Variants in PDE8B observed in about 807,000 individuals in gnomAD.
The protein encoded by PDE8B is high affinity cAMP-specific and IBMX-insensitive 3',5'-cyclic phosphodiesterase 8B.
Under a neutral mutation model 101.3 loss-of-function variants are expected in PDE8B, and 26 were observed. That is an observed-to-expected ratio of 0.26 (90% CI 0.19 to 0.36). The LOEUF is 0.36. Ranked by LOEUF, PDE8B falls within the 10% of genes least tolerant of loss-of-function variation. The pLI is 1.00. For synonymous variants in PDE8B, 424 were observed against 429.3 expected (o/e 0.99, Z 0.15); for missense variants, 810 against 1,163.1 (o/e 0.70, Z 4.42).
Position 77,412,213 on chromosome 5 carries a change from T to C in PDE8B, c.1690T>C (p.Leu564=). 6.2e-7 allele frequency: 1 copy of C among 1,614,128 alleles called. No homozygotes were observed. Among genetic ancestry groups the C allele is most frequent in the African/African-American group, 1.3e-5 (1 of 75,052 alleles). The part of the protein sequence containing the change: ...EESWDFNIFE[L]EAITHKRPLV... The stretch of plus-strand genomic sequence containing the variant: ...GAGTTGGGACTTCAACATCTTTGAA[T>C]TGGAAGCCATTACGCATAAAAGGTA... Residue 564 remains leucine (L), a synonymous_variant, in exon 16 of 22, where the codon TTG becomes CTG. Transcript: ENST00000264917.
At chr5:77,125,185 A>G in the PDE8B span, among the ~76,000 whole-genome samples, 1 of 152,032 alleles carries the variant, frequency 6.6e-6, no homozygotes, top group Non-Finnish European at 1.5e-5. Context: ...TTTTTTTTGT[A>G]GGGATACATT....
chr5:77,425,090 A>G (rs1222030482), intron 20 of PDE8B, among the ~76,000 whole-genome samples: 9 of 152,196 alleles, frequency 5.9e-5, no homozygotes, highest in Non-Finnish European at 1.3e-4. Context: ...CTAAGGTGTT[A>G]GCAGTTTTAC....
At chr5:77,367,569 T>C (rs1784378894) in intron 10 of PDE8B, among the ~76,000 whole-genome samples, 1 of 140,938 alleles carries the variant, frequency 7.1e-6, no homozygotes, top group Admixed American at 7.6e-5. Context: ...TCTCGCTCTG[T>C]CACCAGGCTG....
intron 20 of PDE8B, among the ~76,000 whole-genome samples, chr5:77,423,942 A>ATT (rs372211983): frequency 5.7e-4 from 83 of 146,444 alleles, no homozygotes; most frequent in African/African-American, 1.7e-4. Flanking sequence ...CAGCCTGGAC[A>ATT]TTTTTTTTTT....
chr5:77,318,628 C>T (rs10474497), intron 2 of PDE8B, among the ~76,000 whole-genome samples: 50,143 of 151,850 alleles, frequency 0.33, 8,348 homozygotes, highest in Middle Eastern at 0.43. Flanking sequence ...CCTTAAAAAA[C>T]TCCCATTAAA....
rs542774044 is a variant in PDE8B, at chr5:77,264,951, T to C, written c.340-47043T>C. Among the ~76,000 whole-genome samples the C allele has an allele frequency of 5.9e-5, 9 of 152,320 alleles. No individual in the cohort carries two copies. The East Asian group carries it at 9.6e-4, about 16-fold the overall frequency. On this transcript the variant is annotated intron_variant, in intron 1 of 21. Transcript: ENST00000264917. ...TATTCCCAGGGACATTCTTTTTACA[T>C]TGAAGTGCATCTCTTTCCTAGGCCT...
intron 1 of PDE8B, among the ~76,000 whole-genome samples, chr5:77,225,859 C>CACACACACAT (rs1210082233): frequency 2.8e-5 from 4 of 144,408 alleles, no homozygotes; most frequent in African/African-American, 7.9e-5. Context: ...CACACACACA[C>CACACACACAT]ACACACACAC....
chr5:77,260,062 G>A (rs1760149517), intron 1 of PDE8B, among the ~76,000 whole-genome samples: 2 of 150,404 alleles, frequency 1.3e-5, no homozygotes, highest in African/African-American at 4.9e-5. Context: ...TACTTGGGAG[G>A]CTGAGGCAGG....
intron 10 of PDE8B, among the ~76,000 whole-genome samples, chr5:77,391,585 G>A (rs563320134): frequency 6.6e-6 from 1 of 152,266 alleles, no homozygotes; most frequent in East Asian, 1.9e-4. Flanking sequence ...GCTTCTCCCT[G>A]TACCTAGTGG....
intron 1 of PDE8B, among the ~76,000 whole-genome samples, chr5:77,261,594 A>G (rs921312417): frequency 2.6e-5 from 4 of 152,226 alleles, no homozygotes; most frequent in Non-Finnish European, 4.4e-5. Context: ...GAAGGTATCT[A>G]TCCATCTATT....
At chr5:77,377,662 G>A (rs1319746415) in intron 10 of PDE8B, among the ~76,000 whole-genome samples, 5 of 152,212 alleles carry the variant, frequency 3.3e-5, no homozygotes, top group Admixed American at 6.5e-5. Flanking sequence ...GTTTCCCAAA[G>A]AGACTGGCAT....
intron 6 of PDE8B, among the ~76,000 whole-genome samples, chr5:77,339,686 A>G (rs1327954591): frequency 6.6e-6 from 1 of 152,128 alleles, no homozygotes; most frequent in Non-Finnish European, 1.5e-5. Context: ...TAATTATATA[A>G]TACTTTCCCC....
At chr5:77,343,285 CGTT>C (rs1779544980) in intron 6 of PDE8B, among the ~76,000 whole-genome samples, 1 of 152,082 alleles carries the variant, frequency 6.6e-6, no homozygotes, top group Non-Finnish European at 1.5e-5. Flanking sequence ...AGAAATGTGT[CGTT>C]GGATGATTTT....
intron 17 of PDE8B, among the ~76,000 whole-genome samples, chr5:77,416,743 G>T (rs1795643797): frequency 6.6e-6 from 1 of 152,118 alleles, no homozygotes. Flanking sequence ...GGCCATCAGG[G>T]TGCCGTTGCA....
At chr5:77,173,584 AAAATGG>A in the PDE8B span, among the ~76,000 whole-genome samples, 1 of 152,188 alleles carries the variant, frequency 6.6e-6, no homozygotes, top group Admixed American at 6.5e-5. Context: ...CAAGTGAGTC[AAAATGG>A]AAGGGCGAAT....
At chr5:77,216,879 T>C (rs1273429550) in intron 1 of PDE8B, among the ~76,000 whole-genome samples, 1 of 152,052 alleles carries the variant, frequency 6.6e-6, no homozygotes, top group Non-Finnish European at 1.5e-5. Flanking sequence ...GAGGGGCAAA[T>C]GAAAAATATC....
chr5:77,389,519 C>T (rs1789451999), intron 10 of PDE8B, among the ~76,000 whole-genome samples: 1 of 152,206 alleles, frequency 6.6e-6, no homozygotes, highest in African/African-American at 2.4e-5. Context: ...TCCTATTTGG[C>T]CCTCTTGTCT....
the PDE8B span, among the ~76,000 whole-genome samples, chr5:77,128,674 C>G: frequency 6.6e-6 from 1 of 152,198 alleles, no homozygotes; most frequent in South Asian, 2.1e-4. Context: ...GAGTTCTGGT[C>G]CCCTGGAGGC....
At chr5:77,180,553 T>A in the PDE8B span, 1 of 917,126 alleles carries the variant, frequency 1.1e-6, no homozygotes. Context: ...ACCCGGCCGC[T>A]GGCACAAGCC....
Sources: allele counts gnomAD v4.1 joint callset (sites outside exome capture counted in the v4.1 genomes callset), GRCh38; gene constraint gnomAD v4.1.1; transcripts MANE v1.5; gene names NCBI Gene and HGNC (gene_info 2026-07-23, HGNC 2026-07-21).